The following GGN variants were observed in gnomAD, a reference collection of about 807,000 sequenced individuals.
The protein encoded by GGN is gametogenetin.
GGN carries 27 observed loss-of-function variants against 35.5 expected under a neutral mutation model. That is an observed-to-expected ratio of 0.76 (90% CI 0.56 to 1.05). GGN has a LOEUF of 1.05. Among genes scored for constraint, GGN ranks in the 50% least tolerant of loss-of-function variants. The probability of loss-of-function intolerance (pLI) is 0.00; values close to 1 mark genes in which losing one functional copy is unlikely to be tolerated. For missense variants in GGN, 1,006 were observed against 940.7 expected (o/e 1.07, Z -0.91); for synonymous variants, 425 against 444.1 (o/e 0.96, Z 0.54).
In GGN at chr19:38,387,004, AG is replaced by A. The variant is rs1359726281; in HGVS notation, c.257del (p.Pro86LeufsTer57). The A allele has an allele frequency of 6.5e-6, 10 of 1,541,402 alleles. No individual in the cohort carries two copies. The East Asian group carries it at 1.6e-4, about 25-fold the overall frequency. ...TLERPSPVMP[P>X]PEEAAAVSAP... is the part of the protein sequence containing the mutation. ...CAGAGACCGCGGCCGCCTCTTCAGG[AG>A]GGGGCATCACTGGAGAGGGCCGTTC... On this transcript the variant is annotated frameshift_variant, in exon 3 of 4. Coordinates refer to ENST00000334928, the MANE Select transcript of GGN (RefSeq NM_152657.4). LOFTEE classifies it high-confidence loss of function. The surrounding 1 kb of genome is among the most constrained non-coding windows in gnomAD (Gnocchi z 5.3).
At position 38,387,279 on chromosome 19, in the gene GGN, G is replaced by A. The variant is rs1970750976; in HGVS notation, c.-18C>T. 6.4e-7 allele frequency: 1 copy of A among 1,562,980 alleles called. No individual in the cohort carries two copies. The highest frequency in any genetic ancestry group is 1.2e-5 in the South Asian group (1 of 85,676). ...TTCCCCATTTCTGACGGAGCTCGGA[G>A]ACTAGTCAGAAAAATTTACTCCAGT... On this transcript the variant is annotated splice_region_variant and 5_prime_UTR_variant, in exon 3 of 4. Transcript: ENST00000334928. This position sits in a 1 kb window ranked among gnomAD's most constrained non-coding sequence, Gnocchi z 5.3.
At chr19:38,385,267 C>T (rs1034085195) in intron 3 of GGN, among the ~76,000 whole-genome samples, 154 bp downstream of exon 3, 3 of 152,206 alleles carry the variant, frequency 2.0e-5, no homozygotes, top group Non-Finnish European at 4.4e-5. Flanking sequence ...ATCATGGGTC[C>T]TCTTGGTCCT....
Position 38,387,431 on chromosome 19 carries a change from C to T in GGN, c.-19-151G>A, listed in dbSNP as rs1970753218. Reference sequence around the variant, plus strand: ...GTCCTTAGGTCGCACTCCTGTTCCCCGACCTTCGACACTCACGCCTTCTTG... The same window carrying T: ...GTCCTTAGGTCGCACTCCTGTTCCCTGACCTTCGACACTCACGCCTTCTTG... On this transcript the variant is annotated intron_variant, in intron 2 of 3. Coordinates refer to ENST00000334928, the MANE Select transcript of GGN (RefSeq NM_152657.4). This position sits in a 1 kb window ranked among gnomAD's most constrained non-coding sequence, Gnocchi z 5.3. Among the ~76,000 whole-genome samples the T allele has an allele frequency of 6.6e-6, 1 of 152,104 alleles. No homozygotes were observed. The highest frequency in any genetic ancestry group is 6.5e-5 in the Admixed American group (1 of 15,286).
rs1248187556 is a variant in GGN at position 38,387,139 on chromosome 19, C to T, written c.123G>A (p.Met41Ile). 6.4e-7 allele frequency: 1 copy of T among 1,574,336 alleles called. No homozygotes were observed. The highest frequency in any genetic ancestry group is 8.6e-7 in the Non-Finnish European group (1 of 1,159,962). ...LVEPEMTSQA[M>I]RLTRGLGVWF... ...AGACACCCAGCCCACGAGTCAGGCG[C>T]ATGGCCTGGGAGGTCATCTCGGGCT... is the stretch of plus-strand genomic sequence containing the variant. The change falls in exon 3 of 4, where the codon ATG becomes ATA. Residue 41 changes from methionine to isoleucine, a missense_variant. Transcript: ENST00000334928. This position sits in a 1 kb window ranked among gnomAD's most constrained non-coding sequence, Gnocchi z 5.3.
chr19:38,386,495 G>T lies in GGN; in HGVS notation c.767C>A (p.Pro256Gln). The change falls in exon 3 of 4, where the codon CCG becomes CAG. Residue 256 changes from proline (P) to glutamine (Q), a missense_variant. By Grantham distance (76) the Pro-to-Gln change is moderately conservative. Transcript: ENST00000334928. ...GGCTGCTAAGGAACTCGAGGCTGCC[G>T]GAGGGGCCAAAGAGGGCCTCGACTT... ...TFKSRPSLAP[P>Q]AASSSLAAKA... 6.2e-7 allele frequency: 1 copy of T among 1,612,912 alleles called. No individual in the cohort carries two copies. Among genetic ancestry groups the T allele is most frequent in the Non-Finnish European group, 8.5e-7 (1 of 1,179,970 alleles).
chr19:38,386,541 G>C lies in GGN; in HGVS notation c.721C>G (p.Leu241Val). 6.2e-7 allele frequency: 1 copy of C among 1,613,402 alleles called. No homozygotes were observed. The highest frequency in any genetic ancestry group is 8.5e-7 in the Non-Finnish European group (1 of 1,179,976). Residue 241 changes from leucine to valine, a missense_variant, in exon 3 of 4, where the codon CTG (leucine) becomes GTG (valine). Transcript: ENST00000334928. ...QPADSESGLS[L>V]LCKITFKSRP... is the part of the protein sequence containing the mutation. ...GACTTGAAGGTGATTTTACACAGCAGGCTCAGACCGGACTCGGAATCCGCA... is the reference window on the plus strand; with the variant it reads ...GACTTGAAGGTGATTTTACACAGCACGCTCAGACCGGACTCGGAATCCGCA...
Position 38,384,430 on chromosome 19 carries a change from C to T in GGN, c.1941G>A (p.Gln647=), listed in dbSNP as rs1306276304. ...LVAKLEHYDL[Q]ATHSN ...ACTACACTCAGTTGGAATGGGTGGC[C>T]TGCAAGTCGTAGTGCTCCAGCTTGG... Residue 647 remains glutamine (Q), a synonymous_variant, in exon 4 of 4, where the codon CAG becomes CAA. Transcript: ENST00000334928. The T allele has an allele frequency of 1.2e-6, 2 of 1,613,642 alleles. No homozygotes were observed. Among genetic ancestry groups the T allele is most frequent in the African/African-American group, 2.7e-5 (2 of 74,908 alleles).
Position 38,386,084 on chromosome 19 carries a change from G to C in GGN, c.1178C>G (p.Pro393Arg), listed in dbSNP as rs1250304859. Residue 393 changes from proline (P) to arginine (R), a missense_variant, in exon 3 of 4, where the codon CCA becomes CGA. Coordinates refer to ENST00000334928, the MANE Select transcript of GGN (RefSeq NM_152657.4). ...LSGPWGSPPP[P>R]PEQIHSAPGP... ...GGGAGCTGAGTGTATCTGCTCTGGTGGTGGCGGAGGGGAGCCCCAAGGCCC... is the reference window on the plus strand; with the variant it reads ...GGGAGCTGAGTGTATCTGCTCTGGTCGTGGCGGAGGGGAGCCCCAAGGCCC... 2 of 1,585,402 alleles carry C rather than the reference G, an allele frequency of 1.3e-6. No individual in the cohort carries two copies. Among genetic ancestry groups the C allele is most frequent in the East Asian group, 4.6e-5 (2 of 43,922 alleles).
chr19:38,386,687 A>AG lies in GGN; in HGVS notation c.574dup (p.Leu192ProfsTer53). On this transcript the variant is annotated frameshift_variant, in exon 3 of 4. Transcript: ENST00000334928. LOFTEE classifies it high-confidence loss of function. ...TGTCGGGGGTGAGGCGGGTGTGGCCAGAGCAGGAGTGATTCTGCGGTCCGC... is the reference window on the plus strand; with the variant it reads ...TGTCGGGGGTGAGGCGGGTGTGGCCAGGAGCAGGAGTGATTCTGCGGTCCGC... 2 of 1,606,166 alleles carry AG rather than the reference A, an allele frequency of 1.2e-6. No homozygotes were observed. The highest frequency in any genetic ancestry group is 1.7e-6 in the Non-Finnish European group (2 of 1,175,068).
rs1270334639 is a variant in GGN at position 38,385,426 on chromosome 19, A to G, written c.1836T>C (p.Ser612=). The change falls in exon 3 of 4, where the codon TCT becomes TCC. Residue 612 remains serine (S), a synonymous_variant. Coordinates refer to ENST00000334928, the MANE Select transcript of GGN (RefSeq NM_152657.4). The part of the protein sequence containing the change: ...PRHRRLPRNV[S]AWLSTSTNHL... ...TGTCCCTTCTCCCCTCTCACCAGGC[A>G]GAGACGTTGCGTGGCAGGCGGCGAT... The G allele has an allele frequency of 6.2e-7, 1 of 1,613,928 alleles. No individual in the cohort carries two copies. Among genetic ancestry groups the G allele is most frequent in the Non-Finnish European group, 8.5e-7 (1 of 1,179,970 alleles).
Position 38,385,730 on chromosome 19 carries a change from A to T in GGN, c.1532T>A (p.Val511Glu). The T allele has an allele frequency of 6.3e-7, 1 of 1,596,678 alleles. No individual in the cohort carries two copies. The highest frequency in any genetic ancestry group is 8.5e-7 in the Non-Finnish European group (1 of 1,174,736). Reference sequence around the variant, plus strand: ...CGCAGCCGCGGGTGCGGGCGCGGACACAGGCGGCGAGGGCTCAGCCACGGT... The same window carrying T: ...CGCAGCCGCGGGTGCGGGCGCGGACTCAGGCGGCGAGGGCTCAGCCACGGT... ...APTVAEPSPPVSAPAPAAAPI... is the reference protein window; with the variant it reads ...APTVAEPSPPESAPAPAAAPI... Residue 511 changes from valine (V) to glutamate (E), a missense_variant, in exon 3 of 4, where the codon GTG becomes GAG. By Grantham distance (121) the Val-to-Glu change is moderately radical (BLOSUM62 -2). Coordinates refer to ENST00000334928, the MANE Select transcript of GGN (RefSeq NM_152657.4).
Position 38,386,613 on chromosome 19 carries a change from G to A in GGN, c.649C>T (p.Arg217Cys), listed in dbSNP as rs768418331. 51 of 1,612,814 alleles carry A rather than the reference G, an allele frequency of 3.2e-5. No homozygotes were observed. The African/African-American group carries it at 6.8e-4, about 21-fold the overall frequency. Reference protein sequence around the residue: ...RNQGQTAGRARGGAPPHAGEG... With the variant: ...RNQGQTAGRACGGAPPHAGEG... The stretch of plus-strand genomic sequence containing the variant: ...CCCGCATGGGGAGGCGCCCCTCCGC[G>A]AGCCCTGCCGGCCGTCTGGCCCTGG... Residue 217 changes from arginine (R) to cysteine (C), a missense_variant, in exon 3 of 4, where the codon CGC becomes TGC. Coordinates refer to ENST00000334928, the MANE Select transcript of GGN (RefSeq NM_152657.4).
Position 38,386,140 on chromosome 19 carries a change from C to A in GGN, c.1122G>T (p.Gly374=). 6.3e-7 allele frequency: 1 copy of A among 1,582,292 alleles called. No homozygotes were observed. The highest frequency in any genetic ancestry group is 8.6e-7 in the Non-Finnish European group (1 of 1,169,180). The part of the protein sequence containing the change: ...FRFNGAGGGI[G]APRRRAAALS... ...GTGCGGCCGCACGCCGTCGCGGCGC[C>A]CCGATGCCTCCGCCAGCCCCGTTGA... is the stretch of plus-strand genomic sequence containing the variant. Residue 374 remains glycine (G), a synonymous_variant, in exon 3 of 4, where the codon GGG becomes GGT. Coordinates refer to ENST00000334928, the MANE Select transcript of GGN (RefSeq NM_152657.4).
Position 38,387,806 on chromosome 19 carries a change from CG to C in GGN, c.-66del. The C allele has an allele frequency of 6.4e-6, 1 of 155,772 alleles. No homozygotes were observed. Among genetic ancestry groups the C allele is most frequent in the Non-Finnish European group, 1.4e-5 (1 of 69,094 alleles). 9.6% of individuals were successfully genotyped at this position (155,772 alleles called of 1,614,324 possible). A position where few individuals can be genotyped will look rare whatever the true frequency, so the allele number is the denominator to read the frequency against. On this transcript the variant is annotated 5_prime_UTR_variant, in exon 2 of 4. Coordinates refer to ENST00000334928, the MANE Select transcript of GGN (RefSeq NM_152657.4). The surrounding 1 kb of genome is among the most constrained non-coding windows in gnomAD (Gnocchi z 5.3). ...AGTTCAGACCGCGGCGCCCTGGGCC[CG>C]GGGCAGGGCAGGGAACTGCCGTAGC...
In GGN at chr19:38,386,840, G is replaced by A. The variant is rs765703201; in HGVS notation, c.422C>T (p.Pro141Leu). 3.2e-5 allele frequency: 51 copies of A among 1,605,202 alleles called. No homozygotes were observed. Among genetic ancestry groups the A allele is most frequent in the Non-Finnish European group, 4.3e-5 (50 of 1,175,548 alleles). ...RGQGDPPSLR[P>L]LKPPPPPRQL... The stretch of plus-strand genomic sequence containing the variant: ...CCGGGGCGGCGGCGGCGGCTTCAGC[G>A]GGCGGAGGCTCGGAGGGTCGCCCTG... Residue 141 changes from proline to leucine, a missense_variant, in exon 3 of 4, where the codon CCG (proline) becomes CTG (leucine). Pro to Leu is a moderately conservative substitution (Grantham distance 98). Transcript: ENST00000334928.
rs1282778199 is a variant in GGN at position 38,387,152 on chromosome 19, G to A, written c.110C>T (p.Thr37Ile). ...RRTSLVEPEM[T>I]SQAMRLTRGL... Reference sequence around the variant, plus strand: ...ACGAGTCAGGCGCATGGCCTGGGAGGTCATCTCGGGCTCCACCAGGGACGT... The same window carrying A: ...ACGAGTCAGGCGCATGGCCTGGGAGATCATCTCGGGCTCCACCAGGGACGT... Residue 37 changes from threonine to isoleucine, a missense_variant, in exon 3 of 4, where the codon ACC (threonine) becomes ATC (isoleucine). Transcript: ENST00000334928. This position sits in a 1 kb window ranked among gnomAD's most constrained non-coding sequence, Gnocchi z 5.3. 1 of 1,581,226 alleles carries A rather than the reference G, an allele frequency of 6.3e-7. No individual in the cohort carries two copies. The highest frequency in any genetic ancestry group is 8.6e-7 in the Non-Finnish European group (1 of 1,163,678).
rs766718136 is a variant in GGN at position 38,386,711 on chromosome 19, G to A, written c.551C>T (p.Ala184Val). The change falls in exon 3 of 4, where the codon GCG becomes GTG. Residue 184 changes from alanine (A) to valine (V), a missense_variant. Transcript: ENST00000334928. ...CAGAGCAGGAGTGATTCTGCGGTCCGCCGGCTGCCGTTCAGAAGGTAATGG... is the reference window on the plus strand; with the variant it reads ...CAGAGCAGGAGTGATTCTGCGGTCCACCGGCTGCCGTTCAGAAGGTAATGG... ...PPPLPSERQPADRRITPALAT... is the reference protein window; with the variant it reads ...PPPLPSERQPVDRRITPALAT... The A allele has an allele frequency of 6.2e-7, 1 of 1,605,732 alleles. No homozygotes were observed. The highest frequency in any genetic ancestry group is 2.2e-5 in the East Asian group (1 of 44,674).
rs1350397947 is a variant in GGN, at chr19:38,386,081, G to C, written c.1181C>G (p.Pro394Arg). 1.3e-6 allele frequency: 2 copies of C among 1,586,944 alleles called. No individual in the cohort carries two copies. Among genetic ancestry groups the C allele is most frequent in the Admixed American group, 3.5e-5 (2 of 56,466 alleles). ...CCCGGGAGCTGAGTGTATCTGCTCT[G>C]GTGGTGGCGGAGGGGAGCCCCAAGG... ...SGPWGSPPPP[P>R]EQIHSAPGPR... is the part of the protein sequence containing the mutation. Residue 394 changes from proline to arginine, a missense_variant, in exon 3 of 4, where the codon CCA becomes CGA. Pro to Arg is a moderately radical substitution (Grantham distance 103, BLOSUM62 -2). Coordinates refer to ENST00000334928, the MANE Select transcript of GGN (RefSeq NM_152657.4).
At position 38,385,820 on chromosome 19, in the gene GGN, G is replaced by T. The variant is rs766701484; in HGVS notation, c.1442C>A (p.Ala481Asp). ...HKESALAPTA[A>D]PALPPALAAD... ...GGCTAAGGCTGGGGGCAGAGCAGGG[G>T]CTGCGGTGGGAGCCAGGGCTGACTC... Residue 481 changes from alanine (A) to aspartate (D), a missense_variant, in exon 3 of 4, where the codon GCC becomes GAC. Physicochemically the swap from Ala to Asp is moderately radical, Grantham distance 126. Transcript: ENST00000334928. The T allele has an allele frequency of 1.6e-5, 25 of 1,540,056 alleles. No homozygotes were observed. Among genetic ancestry groups the T allele is most frequent in the Middle Eastern group, 1.9e-4 (1 of 5,228 alleles).
Sources: gnomAD v4.1 joint callset for allele counts (sites outside exome capture counted in the v4.1 genomes callset) on GRCh38, gnomAD v4.1.1 for gene constraint, Gnocchi (gnomAD v3.1) non-coding constraint, MANE v1.5 for transcripts, NCBI Gene and HGNC (gene_info 2026-07-23, HGNC 2026-07-21) for gene names.